The following NECAB3 variants were observed in gnomAD, a reference collection of about 807,000 sequenced individuals.
The protein encoded by NECAB3 is N-terminal EF-hand calcium-binding protein 3.
A neutral mutation model predicts 57.2 loss-of-function variants in NECAB3; 38 were observed. That is an observed-to-expected ratio of 0.66 (90% CI 0.51 to 0.87). The LOEUF (loss-of-function observed/expected upper bound fraction) is 0.87, where lower values mean the gene tolerates loss of function less well. Among genes scored for constraint, NECAB3 ranks in the 40% least tolerant of loss-of-function variants. The probability of loss-of-function intolerance (pLI) is 0.00; values close to 1 mark genes in which losing one functional copy is unlikely to be tolerated. For synonymous variants in NECAB3, 223 were observed against 222.6 expected, an observed-to-expected ratio of 1.00 and a Z score of -0.02; for missense variants, 474 against 527.5, an observed-to-expected ratio of 0.90 and a Z score of 0.99.
At chr20:33,669,203 G>A (rs1398694244) in intron 5 of NECAB3, 172 bp downstream of exon 5, 9 of 616,870 alleles carry the variant, frequency 1.5e-5, no homozygotes, top group Non-Finnish European at 2.6e-5. Context: ...ATGGTTTACA[G>A]ATGAGGAAAC....
chr20:33,663,001 T>C (rs1202351063), intron 5 of NECAB3, among the ~76,000 whole-genome samples: 4 of 152,132 alleles, frequency 2.6e-5, no homozygotes, highest in Admixed American at 1.3e-4. Flanking sequence ...TGGATGAGAC[T>C]TGAGAGCCCC....
intron 2 of NECAB3, among the ~76,000 whole-genome samples, chr20:33,671,797 C>G (rs888499379): frequency 6.6e-6 from 1 of 152,198 alleles, no homozygotes; most frequent in Non-Finnish European, 1.5e-5. Flanking sequence ...TGGCACTGGA[C>G]CCAGCTTTAT....
Position 33,657,114 on chromosome 20 carries a change from C to T in NECAB3, c.*715G>A, listed in dbSNP as rs1318927569. The T allele has an allele frequency of 2.6e-5, 4 of 152,654 alleles. No individual in the cohort carries two copies. The highest frequency in any genetic ancestry group is 7.2e-5 in the African/African-American group (3 of 41,446). 9.5% of individuals were successfully genotyped at this position (152,654 alleles called of 1,614,324 possible). Reference sequence around the variant, plus strand: ...GAAGGGACCACTGCCTTTATTGCCTCTGTGCTGGGGTCCCAGCCTGGGGTT... The same window carrying T: ...GAAGGGACCACTGCCTTTATTGCCTTTGTGCTGGGGTCCCAGCCTGGGGTT... On this transcript the variant is annotated 3_prime_UTR_variant, in exon 12 of 12. Transcript: ENST00000246190.
chr20:33,672,583 G>A lies in NECAB3; in HGVS notation c.130-161C>T, dbSNP rs544500297. 5.3e-5 allele frequency among the ~76,000 whole-genome samples: 8 copies of A among 152,320 alleles called. No individual in the cohort carries two copies. The East Asian group carries it at 1.5e-3, about 29-fold the overall frequency. On this transcript the variant is annotated intron_variant, in intron 1 of 11. Transcript: ENST00000246190. ...CCACCTGCCCAGCTCAGCCCTGCAG[G>A]AGCTTTTCCTGCAAGCGGGGCACAG...
chr20:33,673,325 C>T (rs1372712166), intron 1 of NECAB3, among the ~76,000 whole-genome samples: 1 of 152,122 alleles, frequency 6.6e-6, no homozygotes, highest in African/African-American at 2.4e-5. Flanking sequence ...CCTGTTTTGT[C>T]AGGGTCAGTG....
At chr20:33,663,609 C>T (rs750655093) in intron 5 of NECAB3, 4 of 1,610,644 alleles carry the variant, frequency 2.5e-6, no homozygotes, top group Non-Finnish European at 2.5e-6. Context: ...ACTACGCGTC[C>T]GGCGCTGGGC....
intron 5 of NECAB3, chr20:33,668,034 G>T: frequency 1.9e-6 from 3 of 1,548,922 alleles, no homozygotes; most frequent in Non-Finnish European, 2.6e-6. Context: ...CCGAGCGCCT[G>T]GACAAGGAGC....
At chr20:33,673,247 G>A (rs2017868584) in intron 1 of NECAB3, among the ~76,000 whole-genome samples, 1 of 152,198 alleles carries the variant, frequency 6.6e-6, no homozygotes, top group South Asian at 2.1e-4. Flanking sequence ...TGGCAAGCAG[G>A]GGTGGGCCAA....
chr20:33,672,008 A>G (rs972469860), intron 2 of NECAB3: 2 of 228,714 alleles, frequency 8.7e-6, no homozygotes, highest in African/African-American at 4.6e-5. Flanking sequence ...CGAGCCTATC[A>G]ATTAAAGGCT....
intron 1 of NECAB3, 85 bp downstream of exon 1, chr20:33,674,139 C>A (rs970378107): frequency 1.7e-6 from 2 of 1,198,604 alleles, no homozygotes; most frequent in Non-Finnish European, 1.0e-6. Flanking sequence ...CCAGAAACAG[C>A]GGCGGGGCCC....
intron 1 of NECAB3, among the ~76,000 whole-genome samples, chr20:33,673,037 GCAGGCGTGTGTGTA>G (rs564054839): frequency 9.4e-4 from 143 of 152,314 alleles, no homozygotes; most frequent in African/African-American, 3.2e-3. Flanking sequence ...AGGACCTTCG[GCAGGCGTGTGTGTA>G]CACACACACG....
Position 33,660,437 on chromosome 20 carries a change from C to A in NECAB3, c.388-42G>T. On this transcript the variant is annotated intron_variant, in intron 5 of 11. Coordinates refer to ENST00000246190, the MANE Select transcript of NECAB3 (RefSeq NM_031232.4). The surrounding 1 kb of genome is among the most constrained non-coding windows in gnomAD (Gnocchi z 4.1). The stretch of plus-strand genomic sequence containing the variant: ...GACGGTCAGCATCTCCCAGCCCGGG[C>A]ACTGATCTCTTGAGTGGGTCCCCTG... The A allele has an allele frequency of 6.2e-7, 1 of 1,602,746 alleles. No individual in the cohort carries two copies. The highest frequency in any genetic ancestry group is 1.1e-5 in the South Asian group (1 of 90,504).
rs17124885 is a variant in NECAB3, at chr20:33,657,598, G to A, written c.*231C>T. 0.015 allele frequency: 7,337 copies of A among 477,854 alleles called. 450 individuals are homozygous for A. In the East Asian group the frequency reaches 0.16, roughly 11 times the overall value. 29.6% of individuals were successfully genotyped at this position (477,854 alleles called of 1,614,324 possible). On this transcript the variant is annotated 3_prime_UTR_variant, in exon 12 of 12. Transcript: ENST00000246190. ...TCCAGGTCTCCTGAGCCAGGCAGAAGCCAAAGTAGCTTGGAGGCTGAAGTG... is the reference window on the plus strand; with the variant it reads ...TCCAGGTCTCCTGAGCCAGGCAGAAACCAAAGTAGCTTGGAGGCTGAAGTG...
intron 5 of NECAB3, chr20:33,664,754 G>C (rs546739758): frequency 3.3e-5 from 5 of 152,322 alleles, no homozygotes; most frequent in African/African-American, 1.2e-4. Context: ...GCCACCCCTG[G>C]CCTGCCAAAC....
Position 33,658,496 on chromosome 20 carries a change from C to G in NECAB3, c.1051G>C (p.Asp351His), listed in dbSNP as rs2017354086. ...ASFTLYEFWQ[D>H]EASWRRHQQS... ...TCATACCTTCTCCAGGAGGCCTCAT[C>G]CTGCCAGAACTCATACAGGGTGAAG... Residue 351 changes from aspartate to histidine, a missense_variant, in exon 10 of 12, where the codon GAT (aspartate) becomes CAT (histidine). Asp to His is a moderately conservative substitution (Grantham distance 81, BLOSUM62 -1). Coordinates refer to ENST00000246190, the MANE Select transcript of NECAB3 (RefSeq NM_031232.4). 1 of 1,613,862 alleles carries G rather than the reference C, an allele frequency of 6.2e-7. No homozygotes were observed. The highest frequency in any genetic ancestry group is 1.3e-5 in the African/African-American group (1 of 74,882).
chr20:33,669,347 A>T, intron 5 of NECAB3, 28 bp downstream of exon 5: 1 of 1,609,120 alleles, frequency 6.2e-7, no homozygotes, highest in Non-Finnish European at 8.5e-7. Flanking sequence ...CTCACAGTGG[A>T]TCCCCCACCA....
At chr20:33,667,223 C>T (rs923396898) in intron 5 of NECAB3, 2 of 377,136 alleles carry the variant, frequency 5.3e-6, no homozygotes, top group Non-Finnish European at 9.3e-6. Context: ...CTGAAGAGCT[C>T]TAGCTTGGTG....
intron 4 of NECAB3, 53 bp from the exon 5 acceptor site, chr20:33,669,525 C>T (rs1568902196): frequency 4.4e-6 from 7 of 1,598,556 alleles, no homozygotes; most frequent in Admixed American, 1.7e-5. Context: ...CATCTACCCA[C>T]CCTGGGATTC....
chr20:33,671,130 C>T (rs1376352663), intron 2 of NECAB3, among the ~76,000 whole-genome samples: 1 of 152,226 alleles, frequency 6.6e-6, no homozygotes, highest in Non-Finnish European at 1.5e-5. Context: ...GCCTAGATGT[C>T]ACCTGGAAGG....
Sources: gnomAD v4.1 joint callset for allele counts (sites outside exome capture counted in the v4.1 genomes callset) on GRCh38, gnomAD v4.1.1 for gene constraint, Gnocchi (gnomAD v3.1) non-coding constraint, MANE v1.5 for transcripts, NCBI Gene and HGNC (gene_info 2026-07-23, HGNC 2026-07-21) for gene names.